RBFOX1: variants seen among roughly 807,000 people sequenced by gnomAD.
RBFOX1 encodes the protein RNA binding protein fox-1 homolog 1.
Under a neutral mutation model 57.7 loss-of-function variants are expected in RBFOX1, and 8 were observed. The ratio of observed to expected loss-of-function variants is 0.14; its 90% CI spans 0.08 to 0.25. The LOEUF is 0.25. RBFOX1 is among the 10% of genes least tolerant of loss of function. The pLI is 1.00. For synonymous variants in RBFOX1, 326 were observed against 222.4 expected (o/e 1.47, Z -4.15); for missense variants, 611 against 548.5 (o/e 1.11, Z -1.14).
intron 2 of RBFOX1, among the ~76,000 whole-genome samples, chr16:6,464,679 C>G (rs1365649256): frequency 6.6e-6 from 1 of 152,184 alleles, no homozygotes; most frequent in Non-Finnish European, 1.5e-5. Context: ...AATGATTCAC[C>G]CTAGAGTGGT....
At chr16:5,943,364 T>C (rs1056561179) in intron 4 of RBFOX1, among the ~76,000 whole-genome samples, 5 of 152,222 alleles carry the variant, frequency 3.3e-5, no homozygotes, top group Non-Finnish European at 7.3e-5. Flanking sequence ...AAACCGTTGA[T>C]ACCAAGCCTT....
chr16:6,556,407 G>A (rs1024284629), intron 2 of RBFOX1, among the ~76,000 whole-genome samples: 1 of 152,268 alleles, frequency 6.6e-6, no homozygotes, highest in African/African-American at 2.4e-5. Context: ...TGTTGAATGT[G>A]GTGAATAAAT....
At chr16:5,395,239 C>T (rs745336825) in intron 1 of RBFOX1, among the ~76,000 whole-genome samples, 1 of 152,242 alleles carries the variant, frequency 6.6e-6, no homozygotes, top group African/African-American at 2.4e-5. Context: ...CTCACTAACT[C>T]TTCCTTGAAG....
At chr16:5,967,993 C>T (rs1364418668) in intron 4 of RBFOX1, among the ~76,000 whole-genome samples, 5 of 152,034 alleles carry the variant, frequency 3.3e-5, no homozygotes, top group Non-Finnish European at 5.9e-5. Flanking sequence ...CTTTATAAAC[C>T]CTCAGTCTTA....
At chr16:6,136,545 G>C (rs2096668811) in intron 1 of RBFOX1, among the ~76,000 whole-genome samples, 1 of 152,112 alleles carries the variant, frequency 6.6e-6, no homozygotes, top group Non-Finnish European at 1.5e-5. Flanking sequence ...CCATTATTAT[G>C]AATGCCTGAG....
At chr16:6,613,089 C>G (rs1306846196) in intron 2 of RBFOX1, among the ~76,000 whole-genome samples, 1 of 151,216 alleles carries the variant, frequency 6.6e-6, no homozygotes, top group Non-Finnish European at 1.5e-5. Flanking sequence ...TACTGTGGTA[C>G]AGGAACTGTC....
chr16:7,356,023 T>C (rs1051137779), intron 4 of RBFOX1, among the ~76,000 whole-genome samples: 1 of 152,142 alleles, frequency 6.6e-6, no homozygotes, highest in African/African-American at 2.4e-5. Context: ...GTTTGAAAAA[T>C]GAAGAAGCAA....
At chr16:6,804,012 T>C (rs1013793556) in intron 3 of RBFOX1, among the ~76,000 whole-genome samples, 4 of 136,636 alleles carry the variant, frequency 2.9e-5, no homozygotes, top group African/African-American at 6.6e-5. Context: ...ACTCATACAA[T>C]TTTTTTTTTT....
At chr16:7,217,034 TCCCTCCCTCC>T in intron 4 of RBFOX1, among the ~76,000 whole-genome samples, 1 of 31,724 alleles carries the variant, frequency 3.2e-5, no homozygotes, top group African/African-American at 1.3e-4. Flanking sequence ...CCTCCCTCCC[TCCCTCCCTCC>T]CTCCCTCCCT....
chr16:7,610,118 C>CTTTTTTTTTTTTTTTTT (rs34468596), intron 10 of RBFOX1, among the ~76,000 whole-genome samples: 1,437 of 65,580 alleles, frequency 0.022, 291 homozygotes, highest in African/African-American at 0.046. Flanking sequence ...GCCCGGCCCC[C>CTTTTTTTTTTTTTTTTT]TTTTTTTTTT....
intron 4 of RBFOX1, among the ~76,000 whole-genome samples, chr16:7,112,049 AGT>A (rs201271135): frequency 1.3e-5 from 2 of 152,132 alleles, no homozygotes; most frequent in African/African-American, 2.4e-5. Flanking sequence ...AAGGGAGGTA[AGT>A]GTGTGTGTGA....
At chr16:7,264,572 A>G (rs1246964143) in intron 4 of RBFOX1, among the ~76,000 whole-genome samples, 1 of 152,236 alleles carries the variant, frequency 6.6e-6, no homozygotes, top group Admixed American at 6.5e-5. Flanking sequence ...GAAAGTGGCC[A>G]CAGATAGATA....
intron 3 of RBFOX1, among the ~76,000 whole-genome samples, chr16:6,762,991 C>A (rs1233845730): frequency 6.6e-6 from 1 of 151,682 alleles, no homozygotes; most frequent in African/African-American, 2.4e-5. Context: ...AGAAATTTGC[C>A]CAGTGCAAAT....
intron 2 of RBFOX1, among the ~76,000 whole-genome samples, chr16:6,346,894 C>A (rs1203432252): frequency 6.6e-6 from 1 of 151,946 alleles, no homozygotes; most frequent in African/African-American, 2.4e-5. Context: ...AGAGCACTAC[C>A]TCAACAGAGT....
chr16:6,129,431 G>A (rs2096613601), intron 1 of RBFOX1, among the ~76,000 whole-genome samples: 1 of 152,064 alleles, frequency 6.6e-6, no homozygotes, highest in Non-Finnish European at 1.5e-5. Context: ...TAGAAGAAAG[G>A]ACTAGTGAAT....
chr16:6,914,478 C>G (rs1032624885), intron 3 of RBFOX1, among the ~76,000 whole-genome samples: 5 of 151,984 alleles, frequency 3.3e-5, no homozygotes, highest in African/African-American at 4.8e-5. Context: ...ACCTAGGTGT[C>G]TCACCTCCAC....
chr16:7,386,218 C>G (rs944420873), intron 4 of RBFOX1, among the ~76,000 whole-genome samples: 3 of 152,232 alleles, frequency 2.0e-5, no homozygotes, highest in Admixed American at 6.5e-5. Context: ...CTTTCCTTCT[C>G]ACTAAAGTGC....
At chr16:7,140,471 G>A (rs2073459800) in intron 4 of RBFOX1, among the ~76,000 whole-genome samples, 1 of 151,814 alleles carries the variant, frequency 6.6e-6, no homozygotes, top group African/African-American at 2.4e-5. Context: ...GGAGAGAAAT[G>A]ATTTCTTCAA....
At chr16:6,415,339 T>C (rs1046477516) in intron 2 of RBFOX1, among the ~76,000 whole-genome samples, 4 of 151,094 alleles carry the variant, frequency 2.6e-5, no homozygotes, top group Non-Finnish European at 5.9e-5. Context: ...GCACAAAAGA[T>C]GCAGGTGACT....
Sources: allele counts gnomAD v4.1 joint callset (sites outside exome capture counted in the v4.1 genomes callset), GRCh38; gene constraint gnomAD v4.1.1; transcripts MANE v1.5; gene names NCBI Gene and HGNC (gene_info 2026-07-23, HGNC 2026-07-21).